RHOU: variants seen among roughly 807,000 people sequenced by gnomAD.
RHOU encodes the protein rho-related GTP-binding protein RhoU.
Under a neutral mutation model 12.6 loss-of-function variants are expected in RHOU, and 8 were observed. The ratio of observed to expected loss-of-function variants is 0.64; its 90% CI spans 0.37 to 1.15. The LOEUF is 1.15. Ranked by LOEUF, RHOU falls within the 50% of genes most tolerant of loss-of-function variation. The pLI is 0.01. For synonymous variants in RHOU, 161 were observed against 147.4 expected (o/e 1.09, Z -0.67); for missense variants, 258 against 347.0 (o/e 0.74, Z 2.04).
At position 228,738,055 on chromosome 1, in the gene RHOU, G is replaced by A. The variant is rs1027789841; in HGVS notation, c.321+324G>A. Reference sequence around the variant, plus strand: ...GTTTTTATGAAAAAATTTCAGTGATGCTTTGTCATCATTTCCCAAACTAAG... The same window carrying A: ...GTTTTTATGAAAAAATTTCAGTGATACTTTGTCATCATTTCCCAAACTAAG... On this transcript the variant is annotated intron_variant, in intron 2 of 2. Coordinates refer to ENST00000366691, the MANE Select transcript of RHOU (RefSeq NM_021205.6). The surrounding 1 kb of genome is among the most constrained non-coding windows in gnomAD (Gnocchi z 4.2). 6.6e-6 allele frequency among the ~76,000 whole-genome samples: 1 copy of A among 152,172 alleles called. No individual in the cohort carries two copies. The highest frequency in any genetic ancestry group is 1.9e-4 in the East Asian group (1 of 5,202).
At chr1:228,706,135 C>T in the RHOU span, among the ~76,000 whole-genome samples, 3 of 152,130 alleles carry the variant, frequency 2.0e-5, no homozygotes, top group East Asian at 5.8e-4. Flanking sequence ...GAGAATTCAC[C>T]CATGATCCCC....
chr1:228,722,734 T>C, the RHOU span, among the ~76,000 whole-genome samples: 1 of 152,072 alleles, frequency 6.6e-6, no homozygotes, highest in African/African-American at 2.4e-5. Context: ...GCGATTCTCC[T>C]GCCTCAGCCT....
chr1:228,735,761 G>C lies in RHOU; in HGVS notation c.19G>C (p.Asp7His). 8.3e-7 allele frequency: 1 copy of C among 1,209,610 alleles called. No individual in the cohort carries two copies. The highest frequency in any genetic ancestry group is 1.0e-6 in the Non-Finnish European group (1 of 974,434). 74.9% of individuals were successfully genotyped at this position (1,209,610 alleles called of 1,614,324 possible). A position where few individuals can be genotyped will look rare whatever the true frequency, so the allele number is the denominator to read the frequency against. MPPQQG[D>H]PAFPDRCEAP... ...CGGATCGATGCCCCCGCAGCAGGGG[G>C]ACCCCGCGTTCCCCGACCGCTGCGA... Residue 7 changes from aspartate to histidine, a missense_variant, in exon 1 of 3, where the codon GAC becomes CAC. Coordinates refer to ENST00000366691, the MANE Select transcript of RHOU (RefSeq NM_021205.6). This position sits in a 1 kb window ranked among gnomAD's most constrained non-coding sequence, Gnocchi z 8.1.
the RHOU span, chr1:228,647,788 C>T: frequency 1.3e-5 from 2 of 152,268 alleles, no homozygotes; most frequent in African/African-American, 4.8e-5. Flanking sequence ...GCAGGTTAGC[C>T]CACACTAAGC....
At chr1:228,687,029 C>T in the RHOU span, among the ~76,000 whole-genome samples, 11 of 152,228 alleles carry the variant, frequency 7.2e-5, no homozygotes, top group South Asian at 4.2e-4. Flanking sequence ...CGTGAGCCAC[C>T]GTGCCTGGCC....
In RHOU at chr1:228,743,781, C is replaced by G. The variant is rs752492676; in HGVS notation, c.*41C>G. ...CAGAAAGGCTATTTTCAGATGAAAT[C>G]GATATTAGAAGCTATATTAGCTGAA... is the stretch of plus-strand genomic sequence containing the variant. On this transcript the variant is annotated 3_prime_UTR_variant, in exon 3 of 3. Transcript: ENST00000366691. The surrounding 1 kb of genome is among the most constrained non-coding windows in gnomAD (Gnocchi z 5.1). 6.5e-7 allele frequency: 1 copy of G among 1,546,754 alleles called. No homozygotes were observed. Among genetic ancestry groups the G allele is most frequent in the South Asian group, 1.2e-5 (1 of 84,182 alleles).
At chr1:228,695,996 A>C in the RHOU span, among the ~76,000 whole-genome samples, 1 of 152,220 alleles carries the variant, frequency 6.6e-6, no homozygotes, top group Non-Finnish European at 1.5e-5. Flanking sequence ...AAGACACATC[A>C]CTTTGGAGAA....
the RHOU span, among the ~76,000 whole-genome samples, chr1:228,713,174 A>G: frequency 6.6e-6 from 1 of 152,110 alleles, no homozygotes; most frequent in African/African-American, 2.4e-5. Context: ...AGGTAGCTTC[A>G]GGTGGGGGCT....
the RHOU span, among the ~76,000 whole-genome samples, chr1:228,658,364 C>T: frequency 4.7e-5 from 7 of 150,338 alleles, no homozygotes; most frequent in South Asian, 6.3e-4. Context: ...TCCTTATGGA[C>T]GAAATTAGAG....
the RHOU span, among the ~76,000 whole-genome samples, chr1:228,663,069 T>C: frequency 6.6e-6 from 1 of 152,188 alleles, no homozygotes; most frequent in African/African-American, 2.4e-5. Flanking sequence ...TTGTGAACAA[T>C]TGAGAAAAAT....
At chr1:228,662,692 G>A in the RHOU span, among the ~76,000 whole-genome samples, 1 of 149,294 alleles carries the variant, frequency 6.7e-6, no homozygotes, top group Non-Finnish European at 1.5e-5. Context: ...AGGGTGGGGG[G>A]CTGGGGGAGG....
chr1:228,735,578 C>A lies in RHOU; in HGVS notation c.-165C>A. 2.3e-6 allele frequency: 1 copy of A among 426,558 alleles called. No homozygotes were observed. Among genetic ancestry groups the A allele is most frequent in the Non-Finnish European group, 3.6e-6 (1 of 276,296 alleles). 26.4% of individuals were successfully genotyped at this position (426,558 alleles called of 1,614,324 possible). A position where few individuals can be genotyped will look rare whatever the true frequency, so the allele number is the denominator to read the frequency against. On this transcript the variant is annotated 5_prime_UTR_variant, in exon 1 of 3. Transcript: ENST00000366691. The surrounding 1 kb of genome is among the most constrained non-coding windows in gnomAD (Gnocchi z 8.1). The stretch of plus-strand genomic sequence containing the variant: ...GCGCGGAGCCACGACCCTCCCTGGC[C>A]GCCTTTGTCTACTGGCCGTGCGGCC...
chr1:228,722,591 C>T, the RHOU span, among the ~76,000 whole-genome samples: 82 of 151,786 alleles, frequency 5.4e-4, no homozygotes, highest in Non-Finnish European at 6.3e-4. Context: ...ATGATAAGTT[C>T]GGTTTGTCAG....
At chr1:228,708,390 G>A in the RHOU span, among the ~76,000 whole-genome samples, 1 of 151,626 alleles carries the variant, frequency 6.6e-6, no homozygotes, top group Admixed American at 6.6e-5. Context: ...AGGAAAAAAT[G>A]TTAAGGGCAG....
the RHOU span, among the ~76,000 whole-genome samples, chr1:228,695,494 GC>G: frequency 6.6e-6 from 1 of 152,070 alleles, no homozygotes; most frequent in African/African-American, 2.4e-5. Flanking sequence ...ACACAAGACT[GC>G]CCCCCACTTT....
At chr1:228,706,675 C>T in the RHOU span, among the ~76,000 whole-genome samples, 1 of 152,040 alleles carries the variant, frequency 6.6e-6, no homozygotes, top group Non-Finnish European at 1.5e-5. Flanking sequence ...GGTTTAATTC[C>T]TTTCTAGGTA....
chr1:228,649,916 G>A, the RHOU span, among the ~76,000 whole-genome samples: 1 of 152,210 alleles, frequency 6.6e-6, no homozygotes, highest in Non-Finnish European at 1.5e-5. Flanking sequence ...GACGTCATCA[G>A]TTGTAATTCT....
chr1:228,657,300 AAAGGAAAAAGAAAAAG>A, the RHOU span, among the ~76,000 whole-genome samples: 2 of 147,484 alleles, frequency 1.4e-5, no homozygotes, highest in African/African-American at 4.9e-5. Context: ...AAAAAAAAAA[AAAGGAAAAAGAAAAAG>A]AATAAAAAAA....
At chr1:228,727,680 G>A in the RHOU span, among the ~76,000 whole-genome samples, 1 of 152,176 alleles carries the variant, frequency 6.6e-6, no homozygotes, top group Non-Finnish European at 1.5e-5. Context: ...AGGACTGGGG[G>A]AGTGCTCATG....
Sources: allele counts gnomAD v4.1 joint callset (sites outside exome capture counted in the v4.1 genomes callset), GRCh38; gene constraint gnomAD v4.1.1; non-coding constraint Gnocchi (gnomAD v3.1); transcripts MANE v1.5; gene names NCBI Gene and HGNC (gene_info 2026-07-23, HGNC 2026-07-21).